MTCL1: variants seen among roughly 807,000 people sequenced by gnomAD.
MTCL1 encodes the protein microtubule cross-linking factor 1.
MTCL1 carries 79 observed loss-of-function variants against 141.4 expected under a neutral mutation model. That is an observed-to-expected ratio of 0.56 (90% CI 0.47 to 0.67). The LOEUF (loss-of-function observed/expected upper bound fraction) is 0.67, where lower values mean the gene tolerates loss of function less well. MTCL1 is among the 30% of genes least tolerant of loss of function. The pLI is 0.00. For synonymous variants in MTCL1, 914 were observed against 875.8 expected, an observed-to-expected ratio of 1.04 and a Z score of -0.77; for missense variants, 2,177 against 2,113.9, an observed-to-expected ratio of 1.03 and a Z score of -0.59.
At chr18:8,811,907 T>A (rs2076500817) in intron 11 of MTCL1, among the ~76,000 whole-genome samples, 1 of 152,244 alleles carries the variant, frequency 6.6e-6, no homozygotes, top group Non-Finnish European at 1.5e-5. Context: ...CAAGCTGTTG[T>A]GCAGTTTTAG....
chr18:8,766,019 ACCC>A (rs2096458052), intron 4 of MTCL1, among the ~76,000 whole-genome samples: 4 of 152,270 alleles, frequency 2.6e-5, no homozygotes, highest in Non-Finnish European at 5.9e-5. Flanking sequence ...GCACACATTC[ACCC>A]TTATGTACCC....
At chr18:8,814,501 C>T (rs1277855419) in intron 12 of MTCL1, among the ~76,000 whole-genome samples, 1 of 152,240 alleles carries the variant, frequency 6.6e-6, no homozygotes, top group African/African-American at 2.4e-5. Context: ...GGAAATGCAG[C>T]ACTTGTGAAG....
At chr18:8,826,394 A>T (rs2077028279) in intron 15 of MTCL1, among the ~76,000 whole-genome samples, 162 bp downstream of exon 14, 1 of 152,232 alleles carries the variant, frequency 6.6e-6, no homozygotes. Context: ...AGAATAGAAT[A>T]GGCAGAAAAA....
chr18:8,780,314 C>T (rs2096528408), intron 5 of MTCL1, among the ~76,000 whole-genome samples: 1 of 152,234 alleles, frequency 6.6e-6, no homozygotes, highest in African/African-American at 2.4e-5. Flanking sequence ...GCAACTCTGC[C>T]CCTCGCCTGC....
chr18:8,735,197 C>G (rs775235035), intron 4 of MTCL1, among the ~76,000 whole-genome samples: 11 of 152,138 alleles, frequency 7.2e-5, no homozygotes, highest in Non-Finnish European at 5.9e-5. Flanking sequence ...TTTCCTAAAG[C>G]AAATCCAAGG....
At chr18:8,806,976 C>T in exon 11 of MTCL1, 2 of 1,613,812 alleles carry the variant, frequency 1.2e-6, no homozygotes, top group East Asian at 2.2e-5. Context: ...ATGAGCGTGC[C>T]CGACTACGGC....
chr18:8,717,889 C>G (rs1309724492), intron 1 of MTCL1: 10 of 989,584 alleles, frequency 1.0e-5, no homozygotes, highest in Non-Finnish European at 1.1e-5. Flanking sequence ...TGGAAAATGT[C>G]TCATTTGTGG....
chr18:8,825,682 G>T, exon 15 of MTCL1: 1 of 1,613,922 alleles, frequency 6.2e-7, no homozygotes, highest in Non-Finnish European at 8.5e-7. Context: ...CCCAAGTATG[G>T]TTCTCCCAAG....
Position 8,830,280 on chromosome 18 carries a change from G to C in MTCL1, c.*18+1316G>C, listed in dbSNP as rs2077156399. The C allele has an allele frequency of 1.0e-6, 1 of 985,436 alleles. No homozygotes were observed. Among genetic ancestry groups the C allele is most frequent in the Non-Finnish European group, 1.2e-6 (1 of 829,972 alleles). 61.0% of individuals were successfully genotyped at this position (985,436 alleles called of 1,614,324 possible). On this transcript the variant is annotated intron_variant, in intron 16 of 16. Coordinates refer to ENST00000359865, the Ensembl canonical transcript of MTCL1. This position sits in a 1 kb window ranked among gnomAD's most constrained non-coding sequence, Gnocchi z 6.4. Reference sequence around the variant, plus strand: ...CGGTACTGTTAGCATAATGCTTTGGGAACAGAAGCTTCTCCCTGTGGCCGT... The same window carrying C: ...CGGTACTGTTAGCATAATGCTTTGGCAACAGAAGCTTCTCCCTGTGGCCGT...
At chr18:8,818,430 T>C (rs2076733324) in intron 12 of MTCL1, among the ~76,000 whole-genome samples, 1 of 152,218 alleles carries the variant, frequency 6.6e-6, no homozygotes, top group Non-Finnish European at 1.5e-5. Flanking sequence ...GTGTAAGTTA[T>C]GTTTAACACC....
At chr18:8,767,048 T>G (rs2096463007) in intron 4 of MTCL1, among the ~76,000 whole-genome samples, 1 of 152,226 alleles carries the variant, frequency 6.6e-6, no homozygotes, top group South Asian at 2.1e-4. Flanking sequence ...CTTTCACTGC[T>G]CTTGCCTAAT....
At chr18:8,724,283 C>T (rs480686) in intron 4 of MTCL1, among the ~76,000 whole-genome samples, 8,480 of 152,048 alleles carry the variant, frequency 0.056, 659 homozygotes, top group African/African-American at 0.16. Flanking sequence ...TGGTGGCGCA[C>T]ACCTGTAATC....
At chr18:8,756,230 C>T (rs145067240) in intron 4 of MTCL1, among the ~76,000 whole-genome samples, 1,696 of 152,198 alleles carry the variant, frequency 0.011, 37 homozygotes, top group African/African-American at 0.035. Flanking sequence ...TCAGACCATG[C>T]GGTGACTTCT....
At chr18:8,751,037 C>T (rs2096368215) in intron 4 of MTCL1, among the ~76,000 whole-genome samples, 1 of 152,162 alleles carries the variant, frequency 6.6e-6, no homozygotes, top group Non-Finnish European at 1.5e-5. Context: ...GTGGACAGTG[C>T]CCTGGGCAGC....
chr18:8,798,187 G>T (rs12386117), exon 10 of MTCL1: 2 of 1,598,912 alleles, frequency 1.3e-6, no homozygotes, highest in African/African-American at 2.7e-5. Flanking sequence ...CAGTGACCGA[G>T]GCTGTGGCTT....
At chr18:8,716,824 G>A (rs1449002904), upstream of MTCL1, among the ~76,000 whole-genome samples, 4 of 152,092 alleles carry the variant, frequency 2.6e-5, no homozygotes, top group Non-Finnish European at 5.9e-5. Flanking sequence ...GGAGGCATCT[G>A]AAACTATCAA....
At chr18:8,726,557 A>C (rs1350164061) in intron 4 of MTCL1, among the ~76,000 whole-genome samples, 1 of 54,770 alleles carries the variant, frequency 1.8e-5, no homozygotes, top group East Asian at 4.7e-4. Flanking sequence ...GCAACAAGCA[A>C]TGTTCTGGTG....
rs565151317 is a variant in MTCL1 at position 8,786,218 on chromosome 18, G to A, written c.1887+127G>A. On this transcript the variant is annotated intron_variant, in intron 7 of 16. Transcript: ENST00000359865. Reference sequence around the variant, plus strand: ...ATGGCAGGAGGAGGTGGAACTAGGTGGAACTCACTTGACAGCAAACCCATT... The same window carrying A: ...ATGGCAGGAGGAGGTGGAACTAGGTAGAACTCACTTGACAGCAAACCCATT... 8.0e-6 allele frequency: 9 copies of A among 1,129,028 alleles called. No homozygotes were observed. In the African/African-American group the frequency reaches 9.1e-5, roughly 11 times the overall value. 69.9% of individuals were successfully genotyped at this position (1,129,028 alleles called of 1,614,324 possible).
intron 4 of MTCL1, among the ~76,000 whole-genome samples, chr18:8,750,279 C>T (rs2096363903): frequency 6.6e-6 from 1 of 152,192 alleles, no homozygotes; most frequent in Non-Finnish European, 1.5e-5. Context: ...CTCCTGACCT[C>T]AAGTGATCTG....
Sources: gnomAD v4.1 joint callset for allele counts (sites outside exome capture counted in the v4.1 genomes callset) on GRCh38, gnomAD v4.1.1 for gene constraint, Gnocchi (gnomAD v3.1) non-coding constraint, MANE v1.5 for transcripts, NCBI Gene and HGNC (gene_info 2026-07-23, HGNC 2026-07-21) for gene names.